KCND2: variants seen among roughly 807,000 people sequenced by gnomAD.
The protein encoded by KCND2 is potassium voltage-gated channel subfamily D member 2.
Under a neutral mutation model 54.4 loss-of-function variants are expected in KCND2, and 16 were observed. The observed-to-expected ratio is 0.29, with a 90% CI of 0.20 to 0.45. KCND2 has a LOEUF of 0.45. Among genes scored for constraint, KCND2 ranks in the 20% least tolerant of loss-of-function variants. The probability of loss-of-function intolerance (pLI) is 1.00; values close to 1 mark genes in which losing one functional copy is unlikely to be tolerated. For synonymous variants in KCND2, 317 were observed against 310.7 expected (o/e 1.02, Z -0.21); for missense variants, 486 against 824.2 (o/e 0.59, Z 5.02).
chr7:120,713,765 C>T lies in KCND2; in HGVS notation c.1116-19138C>T, dbSNP rs144272774. On this transcript the variant is annotated intron_variant, in intron 1 of 5. Transcript: ENST00000331113. ...TAACAACTGGGACTTGTAGATCTCA[C>T]TGTCATTGAGAGGATTTGCTGTCAT... Among the ~76,000 whole-genome samples the T allele has an allele frequency of 2.0e-5, 3 of 151,568 alleles. No individual in the cohort carries two copies. The East Asian group carries it at 5.8e-4, about 30-fold the overall frequency.
At chr7:120,404,833 C>T (rs1419093854) in intron 1 of KCND2, among the ~76,000 whole-genome samples, 1 of 151,936 alleles carries the variant, frequency 6.6e-6, no homozygotes. Context: ...TTCTCTTTCA[C>T]AAATATTGAT....
chr7:120,614,316 G>T (rs1400738444), intron 1 of KCND2, among the ~76,000 whole-genome samples: 1 of 152,118 alleles, frequency 6.6e-6, no homozygotes, highest in Non-Finnish European at 1.5e-5. Flanking sequence ...CCTGGCCTTT[G>T]TTGGAATATT....
At chr7:120,524,725 T>A (rs1791752011) in intron 1 of KCND2, among the ~76,000 whole-genome samples, 1 of 152,194 alleles carries the variant, frequency 6.6e-6, no homozygotes, top group Admixed American at 6.5e-5. Context: ...TTCTAACACT[T>A]GGATTAGTCA....
Position 120,274,476 on chromosome 7 carries a change from A to T in KCND2, c.-157A>T. The T allele has an allele frequency of 1.2e-6, 1 of 812,988 alleles. No individual in the cohort carries two copies. Among genetic ancestry groups the T allele is most frequent in the Non-Finnish European group, 2.1e-6 (1 of 480,438 alleles). 50.4% of individuals were successfully genotyped at this position (812,988 alleles called of 1,614,324 possible). ...GAAAGTTGCCCTTCTGAGAACTGTGACTTTACCAGGAGCCCTATCTTGGAA... is the reference window on the plus strand; with the variant it reads ...GAAAGTTGCCCTTCTGAGAACTGTGTCTTTACCAGGAGCCCTATCTTGGAA... On this transcript the variant is annotated 5_prime_UTR_variant, in exon 1 of 6. Coordinates refer to ENST00000331113, the MANE Select transcript of KCND2 (RefSeq NM_012281.3).
Position 120,275,380 on chromosome 7 carries a change from G to A in KCND2, c.748G>A (p.Ala250Thr), listed in dbSNP as rs1423738863. The change falls in exon 1 of 6, where the codon GCA becomes ACA. Residue 250 changes from alanine (A) to threonine (T), a missense_variant. This residue lies in a region of KCND2 where 231 missense variants were observed against 386.0 expected (regional missense o/e 0.60). Transcript: ENST00000331113. ...FTVEYLLRLA[A>T]APSRYRFVRS... is the part of the protein sequence containing the mutation. ...AGTTGAGTATTTGCTTCGCCTGGCTGCAGCGCCTAGTCGTTACCGTTTTGT... is the reference window on the plus strand; with the variant it reads ...AGTTGAGTATTTGCTTCGCCTGGCTACAGCGCCTAGTCGTTACCGTTTTGT... 2.5e-6 allele frequency: 4 copies of A among 1,613,796 alleles called. No homozygotes were observed. Among genetic ancestry groups the A allele is most frequent in the Non-Finnish European group, 2.5e-6 (3 of 1,179,956 alleles).
At chr7:120,524,850 A>G (rs1301211995) in intron 1 of KCND2, among the ~76,000 whole-genome samples, 2 of 152,206 alleles carry the variant, frequency 1.3e-5, no homozygotes, top group Non-Finnish European at 2.9e-5. Flanking sequence ...GAAAATTAAT[A>G]AAATCTGCTT....
chr7:120,692,505 A>G (rs886523988), intron 1 of KCND2, among the ~76,000 whole-genome samples: 35 of 152,162 alleles, frequency 2.3e-4, no homozygotes, highest in African/African-American at 7.7e-4. Context: ...ACAGGACCCA[A>G]ATTCCTCAAC....
intron 1 of KCND2, among the ~76,000 whole-genome samples, chr7:120,323,410 C>T (rs1460458183): frequency 6.6e-6 from 1 of 152,008 alleles, no homozygotes; most frequent in Non-Finnish European, 1.5e-5. Context: ...AACTCGTCAT[C>T]TAGCATTAGG....
Position 120,749,500 on chromosome 7 carries a change from A to G in KCND2, c.*1642A>G, listed in dbSNP as rs1026116002. On this transcript the variant is annotated 3_prime_UTR_variant, in exon 6 of 6. Coordinates refer to ENST00000331113, the MANE Select transcript of KCND2 (RefSeq NM_012281.3). ...AAGGAATAAAGCTTAGCTTCTGTAC[A>G]TGGAAAGAGCTAATAATTATCCCTC... 4 of 152,384 alleles carry G rather than the reference A, an allele frequency of 2.6e-5. No individual in the cohort carries two copies. Among genetic ancestry groups the G allele is most frequent in the African/African-American group, 7.2e-5 (3 of 41,446 alleles). 9.4% of individuals were successfully genotyped at this position (152,384 alleles called of 1,614,324 possible). A position where few individuals can be genotyped will look rare whatever the true frequency, so the allele number is the denominator to read the frequency against.
At chr7:120,677,134 G>T (rs1479230046) in intron 1 of KCND2, among the ~76,000 whole-genome samples, 1 of 152,132 alleles carries the variant, frequency 6.6e-6, no homozygotes, top group Non-Finnish European at 1.5e-5. Context: ...AGAGCAGAGG[G>T]TGACTAGCAC....
chr7:120,484,506 C>T, intron 1 of KCND2, among the ~76,000 whole-genome samples: 1 of 150,542 alleles, frequency 6.6e-6, no homozygotes, highest in East Asian at 1.9e-4. Context: ...TAATATAATA[C>T]AGAACCTCCA....
chr7:120,346,369 A>C (rs1302344132), intron 1 of KCND2, among the ~76,000 whole-genome samples: 1 of 152,138 alleles, frequency 6.6e-6, no homozygotes, highest in Non-Finnish European at 1.5e-5. Flanking sequence ...TTTGAGATTC[A>C]TGGAATAGGG....
chr7:120,684,627 C>T (rs1792178601), intron 1 of KCND2, among the ~76,000 whole-genome samples: 1 of 152,004 alleles, frequency 6.6e-6, no homozygotes, highest in African/African-American at 2.4e-5. Context: ...CAGCAGGGCT[C>T]CTCGATTACC....
chr7:120,401,520 T>C (rs1293645285), intron 1 of KCND2, among the ~76,000 whole-genome samples: 1 of 152,122 alleles, frequency 6.6e-6, no homozygotes, highest in Non-Finnish European at 1.5e-5. Flanking sequence ...GAGCACACAG[T>C]GGGAATCCAT....
intron 1 of KCND2, among the ~76,000 whole-genome samples, chr7:120,420,712 A>T (rs1473412821): frequency 6.6e-6 from 1 of 152,128 alleles, no homozygotes; most frequent in Non-Finnish European, 1.5e-5. Flanking sequence ...GGCTGGATAA[A>T]TTTTCATTAT....
intron 1 of KCND2, among the ~76,000 whole-genome samples, chr7:120,703,551 G>A (rs1421487522): frequency 6.6e-6 from 1 of 152,170 alleles, no homozygotes; most frequent in Admixed American, 6.5e-5. Context: ...GTGGAAAAAT[G>A]ATATAAGCCC....
At chr7:120,521,145 A>G (rs1791687021) in intron 1 of KCND2, among the ~76,000 whole-genome samples, 1 of 152,152 alleles carries the variant, frequency 6.6e-6, no homozygotes, top group Non-Finnish European at 1.5e-5. Flanking sequence ...TGTACATGAA[A>G]GCAAAACCTA....
intron 1 of KCND2, among the ~76,000 whole-genome samples, chr7:120,372,437 G>A (rs1238237377): frequency 6.8e-6 from 1 of 147,440 alleles, no homozygotes; most frequent in African/African-American, 2.5e-5. Context: ...AATGAGCAAA[G>A]TTTGCTTTTT....
chr7:120,391,133 G>C (rs561180316), intron 1 of KCND2, among the ~76,000 whole-genome samples: 4 of 152,126 alleles, frequency 2.6e-5, no homozygotes, highest in African/African-American at 4.8e-5. Flanking sequence ...TGCTCTCATT[G>C]TTCAACTCCC....
Sources: gnomAD v4.1 joint callset for allele counts (sites outside exome capture counted in the v4.1 genomes callset) on GRCh38, gnomAD v4.1.1 for gene constraint, gnomAD v4.1.1 regional missense constraint, MANE v1.5 for transcripts, NCBI Gene and HGNC (gene_info 2026-07-23, HGNC 2026-07-21) for gene names.